SERPINB6: variants seen among roughly 807,000 people sequenced by gnomAD.
SERPINB6 encodes the protein serpin B6.
SERPINB6 carries 16 observed loss-of-function variants against 26.1 expected under a neutral mutation model. That is an observed-to-expected ratio of 0.61 (90% confidence interval 0.42 to 0.93). The LOEUF (loss-of-function observed/expected upper bound fraction) is 0.93. Among genes scored for constraint, SERPINB6 ranks in the 40% least tolerant of loss-of-function variants. The probability of loss-of-function intolerance (pLI) is 0.00; values close to 1 mark genes in which losing one functional copy is unlikely to be tolerated. For synonymous variants in SERPINB6, 174 were observed against 176.6 expected, an observed-to-expected ratio of 0.99 and a Z score of 0.11; for missense variants, 420 against 478.0, an observed-to-expected ratio of 0.88 and a Z score of 1.13.
At position 2,971,054 on chromosome 6, in the gene SERPINB6, C is replaced by A. The variant is rs1393694432; in HGVS notation, c.-11+479G>T. ...ACACCCGGCGCCCCAAGACTGAGCACGCGTCCTCCGGGTCGCGGAGCGGGC... is the reference window on the plus strand; with the variant it reads ...ACACCCGGCGCCCCAAGACTGAGCAAGCGTCCTCCGGGTCGCGGAGCGGGC... On this transcript the variant is annotated intron_variant, in intron 1 of 6. Transcript: ENST00000380539. The A allele has an allele frequency of 2.1e-5, 25 of 1,179,160 alleles. No homozygotes were observed. In the African/African-American group the frequency reaches 3.6e-4, roughly 17 times the overall value. 73.0% of individuals were successfully genotyped at this position (1,179,160 alleles called of 1,614,324 possible). A position where few individuals can be genotyped will look rare whatever the true frequency, so the allele number is the denominator to read the frequency against.
At chr6:2,950,174 C>A (rs932058100) in intron 5 of SERPINB6, among the ~76,000 whole-genome samples, 19 of 152,092 alleles carry the variant, frequency 1.2e-4, no homozygotes, top group African/African-American at 4.3e-4. Flanking sequence ...TTCACCAGGG[C>A]AAGCATGCTT....
intron 1 of SERPINB6, among the ~76,000 whole-genome samples, chr6:2,961,607 C>G (rs573141135): frequency 6.6e-6 from 1 of 152,180 alleles, no homozygotes; most frequent in African/African-American, 2.4e-5. Context: ...AAGCAAGAAG[C>G]ACAGCCTGTG....
intron 5 of SERPINB6, among the ~76,000 whole-genome samples, chr6:2,949,425 G>T (rs983550483): frequency 1.3e-5 from 2 of 152,134 alleles, no homozygotes; most frequent in Non-Finnish European, 2.9e-5. Context: ...AACTCCCAGC[G>T]CCACCTGTAA....
chr6:2,958,534 C>T (rs1261365697), intron 2 of SERPINB6, among the ~76,000 whole-genome samples: 1 of 152,160 alleles, frequency 6.6e-6, no homozygotes, highest in Non-Finnish European at 1.5e-5. Context: ...CTACGGAAGC[C>T]CAGGCAACGC....
chr6:2,955,792 C>T (rs753131314), intron 2 of SERPINB6, 122 bp from the exon 3 acceptor site: 45 of 1,113,460 alleles, frequency 4.0e-5, no homozygotes, highest in South Asian at 1.4e-4. Context: ...AAGATCTATC[C>T]GAGGCTGGGC....
In SERPINB6 at chr6:2,953,041, C is replaced by T. The variant is rs750080075; in HGVS notation, c.573+3G>A. On this transcript the variant is annotated splice_donor_region_variant and intron_variant, in intron 5 of 6. Coordinates refer to ENST00000380539, the MANE Select transcript of SERPINB6 (RefSeq NM_004568.6). ...GCTGCTCCTGTCACGGCCCCTTACT[C>T]GCCTTGCTGACTTTAAACAGTCTCT... 4 of 1,614,202 alleles carry T rather than the reference C, an allele frequency of 2.5e-6. No individual in the cohort carries two copies. In the South Asian group the frequency reaches 3.3e-5, roughly 13 times the overall value.
In SERPINB6 at chr6:2,948,678, C is replaced by G; in HGVS notation, c.751G>C (p.Glu251Gln). ...AGCCTCGTCCATTCTACGAACTTCT[C>G]GTAAGTGAGTTCTTTCTCCACCTAG... ...LRTVEKELTYEKFVEWTRLDM... is the reference protein window; with the variant it reads ...LRTVEKELTYQKFVEWTRLDM... The change falls in exon 7 of 7, where the codon GAG becomes CAG. Residue 251 changes from glutamate (E) to glutamine (Q), a missense_variant. Physicochemically the swap from Glu to Gln is conservative, Grantham distance 29. Transcript: ENST00000380539. The surrounding 1 kb of genome is among the most constrained non-coding windows in gnomAD (Gnocchi z 5.0). 1 of 1,614,178 alleles carries G rather than the reference C, an allele frequency of 6.2e-7. No homozygotes were observed.
At chr6:2,956,624 C>T (rs1245594305) in intron 2 of SERPINB6, 12 of 152,244 alleles carry the variant, frequency 7.9e-5, no homozygotes, top group Admixed American at 7.9e-4. Context: ...GAATTTGAGA[C>T]CAGCCTGACC....
intron 3 of SERPINB6, chr6:2,955,189 C>CAAAAAA: frequency 5.7e-6 from 1 of 176,064 alleles, no homozygotes; most frequent in Non-Finnish European, 1.1e-5. Flanking sequence ...GATTCTGTCT[C>CAAAAAA]AAAAAAAAAA....
intron 1 of SERPINB6, chr6:2,970,885 G>C (rs1012875856): frequency 1.3e-5 from 16 of 1,230,834 alleles, no homozygotes; most frequent in Middle Eastern, 3.1e-4. Flanking sequence ...CCACACGATC[G>C]TCTCCACAGG....
chr6:2,961,450 A>G (rs983931640), intron 1 of SERPINB6: 3 of 152,246 alleles, frequency 2.0e-5, no homozygotes, highest in Non-Finnish European at 4.4e-5. Context: ...AAAAGTAGCC[A>G]TTACACGGAA....
chr6:2,962,283 T>G, intron 1 of SERPINB6: 1 of 904,794 alleles, frequency 1.1e-6, no homozygotes, highest in Non-Finnish European at 1.3e-6. Flanking sequence ...TTTGAAATAC[T>G]GAACTGGAGA....
intron 1 of SERPINB6, among the ~76,000 whole-genome samples, chr6:2,965,321 T>G (rs959665701): frequency 3.3e-5 from 5 of 152,268 alleles, no homozygotes; most frequent in Admixed American, 6.5e-5. Flanking sequence ...ACCATGCTGC[T>G]GAGCATGCGC....
At chr6:2,949,370 C>T (rs1185091813) in intron 5 of SERPINB6, among the ~76,000 whole-genome samples, 1 of 152,224 alleles carries the variant, frequency 6.6e-6, no homozygotes, top group African/African-American at 2.4e-5. Flanking sequence ...CCTTGGGCCT[C>T]CTGCATTTTA....
chr6:2,956,812 ACT>A (rs1370640122), intron 2 of SERPINB6: 1 of 135,302 alleles, frequency 7.4e-6, no homozygotes, highest in African/African-American at 2.9e-5. Flanking sequence ...CAAGAGCAAA[ACT>A]CTGTCTCAAA....
chr6:2,959,734 G>A, intron 1 of SERPINB6: 1 of 250,868 alleles, frequency 4.0e-6, no homozygotes, highest in Non-Finnish European at 7.9e-6. Flanking sequence ...GTTTTAATTT[G>A]AAAAATATTC....
intron 5 of SERPINB6, among the ~76,000 whole-genome samples, chr6:2,949,519 G>A (rs1181707501): frequency 2.6e-5 from 4 of 152,208 alleles, no homozygotes; most frequent in Admixed American, 6.5e-5. Flanking sequence ...ACTGTCCAGT[G>A]GTCAAAAGCC....
chr6:2,959,343 C>T lies in SERPINB6; in HGVS notation c.-10-1G>A. 6.2e-7 allele frequency: 1 copy of T among 1,613,752 alleles called. No homozygotes were observed. The highest frequency in any genetic ancestry group is 1.1e-5 in the South Asian group (1 of 91,084). ...TGCGAGAACATCCATGATGGCAGAC[C>T]TGGAACAAGATTTAAAATCAGTATC... On this transcript the variant is annotated splice_acceptor_variant, in intron 1 of 6. Transcript: ENST00000380539. LOFTEE classifies it low-confidence loss of function (5UTR_SPLICE).
chr6:2,962,311 CGGA>C (rs1401149748), intron 1 of SERPINB6: 2 of 737,842 alleles, frequency 2.7e-6, no homozygotes, highest in African/African-American at 1.9e-5. Flanking sequence ...GCAGGATATT[CGGA>C]GGAGAAGTCA....
Sources: gnomAD v4.1 joint callset for allele counts (sites outside exome capture counted in the v4.1 genomes callset) on GRCh38, gnomAD v4.1.1 for gene constraint, Gnocchi (gnomAD v3.1) non-coding constraint, MANE v1.5 for transcripts, NCBI Gene and HGNC (gene_info 2026-07-23, HGNC 2026-07-21) for gene names.